MARVELD2: variants seen among roughly 807,000 people sequenced by gnomAD.
The protein encoded by MARVELD2 is MARVEL domain containing 2.
In MARVELD2, 49 loss-of-function variants were observed where a neutral mutation model predicts 57.6. The ratio of observed to expected loss-of-function variants is 0.85; its 90% CI spans 0.68 to 1.08. MARVELD2 has a LOEUF of 1.08. MARVELD2 is among the 50% of genes least tolerant of loss of function. The pLI is 0.00. For synonymous variants in MARVELD2, 238 were observed against 258.8 expected (o/e 0.92, Z 0.77); for missense variants, 606 against 701.1 (o/e 0.86, Z 1.53).
intron 3 of MARVELD2, 67 bp from the exon 4 acceptor site, chr5:69,432,460 A>C: frequency 6.5e-7 from 1 of 1,539,322 alleles, no homozygotes; most frequent in East Asian, 2.3e-5. Context: ...ATTTTCTAAG[A>C]ATGAATTCAG....
chr5:69,420,454 A>G lies in MARVELD2; in HGVS notation c.1069A>G (p.Ile357Val). 6.2e-7 allele frequency: 1 copy of G among 1,610,700 alleles called. No individual in the cohort carries two copies. Among genetic ancestry groups the G allele is most frequent in the Non-Finnish European group, 8.5e-7 (1 of 1,177,248 alleles). ...GTTTGTCACCATGATAGTTTATCTCATTAGTGCTTTGGTTTGCCTAAAGTT... is the reference window on the plus strand; with the variant it reads ...GTTTGTCACCATGATAGTTTATCTCGTTAGTGCTTTGGTTTGCCTAAAGTT... Reference protein sequence around the residue: ...FLFVTMIVYLISALVCLKLWR... With the variant: ...FLFVTMIVYLVSALVCLKLWR... Residue 357 changes from isoleucine to valine, a missense_variant, in exon 2 of 7, where the codon ATT becomes GTT. Ile to Val is a conservative substitution (Grantham distance 29, BLOSUM62 3). Coordinates refer to ENST00000325631, the MANE Select transcript of MARVELD2 (RefSeq NM_001038603.3).
At chr5:69,441,463 C>A in intron 6 of MARVELD2, 69 bp from the exon 7 acceptor site, 1 of 1,571,658 alleles carries the variant, frequency 6.4e-7, no homozygotes, top group East Asian at 2.3e-5. Flanking sequence ...TCCTGGGTGA[C>A]AATGTATGTT....
intron 2 of MARVELD2, 67 bp downstream of exon 2, chr5:69,420,598 T>TA (rs1766599243): frequency 3.4e-6 from 5 of 1,454,852 alleles, no homozygotes; most frequent in Non-Finnish European, 4.8e-6. Flanking sequence ...GCTCCCTTGT[T>TA]AAAAAATGTA....
At chr5:69,433,164 T>C in intron 5 of MARVELD2, 71 bp downstream of exon 5, 1 of 1,448,060 alleles carries the variant, frequency 6.9e-7, no homozygotes, top group Non-Finnish European at 9.5e-7. Context: ...TTTTTTTTTT[T>C]TTTTTTTTTT....
At position 69,420,211 on chromosome 5, in the gene MARVELD2, T is replaced by C; in HGVS notation, c.826T>C (p.Ser276Pro). The C allele has an allele frequency of 6.2e-7, 1 of 1,614,220 alleles. No homozygotes were observed. The highest frequency in any genetic ancestry group is 8.5e-7 in the Non-Finnish European group (1 of 1,180,030). The stretch of plus-strand genomic sequence containing the variant: ...CATTATTATTCTGGTTCTTGGCATG[T>C]CCATGTATTACCGGACCATTCTTCT... ...TTIIILVLGM[S>P]MYYRTILLDS... The change falls in exon 2 of 7, where the codon TCC becomes CCC. Residue 276 changes from serine to proline, a missense_variant. Transcript: ENST00000325631.
intron 3 of MARVELD2, among the ~76,000 whole-genome samples, chr5:69,425,398 A>T (rs1429415595): frequency 2.1e-5 from 3 of 145,008 alleles, no homozygotes; most frequent in Middle Eastern, 3.3e-3. Flanking sequence ...GTATAATAAA[A>T]AAATATATAT....
At position 69,424,654 on chromosome 5, in the gene MARVELD2, T is replaced by G. The variant is rs1766729113; in HGVS notation, c.1182+18T>G. ...GGAAAATGGTAAGAATAAAGTTTAC[T>G]TCATATTATGCTTTAGATTTGTTAA... is the stretch of plus-strand genomic sequence containing the variant. On this transcript the variant is annotated intron_variant, in intron 3 of 6. Transcript: ENST00000325631. 6.4e-7 allele frequency: 1 copy of G among 1,563,356 alleles called. No individual in the cohort carries two copies. Among genetic ancestry groups the G allele is most frequent in the Non-Finnish European group, 8.8e-7 (1 of 1,133,322 alleles).
At chr5:69,439,341 A>G (rs1298751192) in intron 5 of MARVELD2, among the ~76,000 whole-genome samples, 1 of 151,492 alleles carries the variant, frequency 6.6e-6, no homozygotes, top group African/African-American at 2.4e-5. Flanking sequence ...TTGTATTTTT[A>G]GTAGAGATGG....
rs763838485 is a variant in MARVELD2 at position 69,419,906 on chromosome 5, A to C, written c.521A>C (p.Glu174Ala). The C allele has an allele frequency of 1.2e-6, 2 of 1,614,170 alleles. No homozygotes were observed. The highest frequency in any genetic ancestry group is 1.7e-6 in the Non-Finnish European group (2 of 1,180,036). The change falls in exon 2 of 7, where the codon GAG (glutamate) becomes GCG (alanine). Residue 174 changes from glutamate to alanine, a missense_variant. Transcript: ENST00000325631. ...ACACAAACAGTTCGAACATACAGTG[A>C]GAAGGTGGAGGAGTATAACCTGAGA... ...RHTQTVRTYS[E>A]KVEEYNLRYS...
At chr5:69,433,520 C>G in intron 5 of MARVELD2, 1 of 211,838 alleles carries the variant, frequency 4.7e-6, no homozygotes, top group Non-Finnish European at 9.4e-6. Context: ...AGTGCAGTGG[C>G]GTGATCTTGG....
Position 69,419,747 on chromosome 5 carries a change from C to T in MARVELD2, c.362C>T (p.Pro121Leu). Residue 121 changes from proline to leucine, a missense_variant, in exon 2 of 7, where the codon CCA becomes CTA. Pro to Leu is a moderately conservative substitution (Grantham distance 98, BLOSUM62 -3). Coordinates refer to ENST00000325631, the MANE Select transcript of MARVELD2 (RefSeq NM_001038603.3). ...GTGGAGTGTTCACCACCAGCCTCTC[C>T]AGCAAGACCAAACCACCGTTCGCCC... ...DGVECSPPAS[P>L]ARPNHRSPLN... 1 of 1,614,124 alleles carries T rather than the reference C, an allele frequency of 6.2e-7. No individual in the cohort carries two copies. Among genetic ancestry groups the T allele is most frequent in the South Asian group, 1.1e-5 (1 of 91,078 alleles).
At chr5:69,436,402 A>AACACACACACACAC (rs66984523) in intron 5 of MARVELD2, among the ~76,000 whole-genome samples, 148 of 123,868 alleles carry the variant, frequency 1.2e-3, no homozygotes, top group Admixed American at 3.5e-3. Flanking sequence ...TATGTATGGG[A>AACACACACACACAC]ACACACACAC....
intron 2 of MARVELD2, among the ~76,000 whole-genome samples, chr5:69,422,587 C>T (rs1766663962): frequency 6.6e-6 from 1 of 152,176 alleles, no homozygotes; most frequent in African/African-American, 2.4e-5. Context: ...CAATGCATGC[C>T]TGAAACTTCA....
chr5:69,432,051 C>T (rs1285252563), intron 3 of MARVELD2, among the ~76,000 whole-genome samples: 1 of 151,750 alleles, frequency 6.6e-6, no homozygotes, highest in Non-Finnish European at 1.5e-5. Context: ...CAGTCTGTCT[C>T]CCAAGCTGGA....
rs571015098 is a variant in MARVELD2 at position 69,420,156 on chromosome 5, C to T, written c.771C>T (p.Leu257=). ...CTGGCCCTAAGACCCCTTTTGTACTCGTGGTTGCTGGATTAGCTTGGATCA... is the reference window on the plus strand; with the variant it reads ...CTGGCCCTAAGACCCCTTTTGTACTTGTGGTTGCTGGATTAGCTTGGATCA... ...YYTGPKTPFV[L]VVAGLAWITT... Residue 257 remains leucine, a synonymous_variant, in exon 2 of 7, where the codon CTC becomes CTT. Coordinates refer to ENST00000325631, the MANE Select transcript of MARVELD2 (RefSeq NM_001038603.3). 8.7e-6 allele frequency: 14 copies of T among 1,614,128 alleles called. No individual in the cohort carries two copies. In the East Asian group the frequency reaches 1.1e-4, roughly 13 times the overall value.
At chr5:69,433,177 T>TC (rs1767023109) in intron 5 of MARVELD2, 84 bp downstream of exon 5, 42 of 1,299,020 alleles carry the variant, frequency 3.2e-5, no homozygotes, top group African/African-American at 1.5e-5. Flanking sequence ...TTTTTTTTTT[T>TC]CTGTGAGACA....
intron 3 of MARVELD2, among the ~76,000 whole-genome samples, chr5:69,432,108 C>G (rs953169579): frequency 4.0e-5 from 6 of 151,788 alleles, no homozygotes; most frequent in Non-Finnish European, 8.8e-5. Flanking sequence ...CCTCCTGGGC[C>G]CAAGTGATTC....
At chr5:69,435,719 C>G (rs745826851) in intron 5 of MARVELD2, among the ~76,000 whole-genome samples, 1 of 136,494 alleles carries the variant, frequency 7.3e-6, no homozygotes, top group Non-Finnish European at 1.5e-5. Flanking sequence ...CGCCACTGCA[C>G]TCCAGCCTGG....
At position 69,432,905 on chromosome 5, in the gene MARVELD2, T is replaced by G; in HGVS notation, c.1332-17T>G. The G allele has an allele frequency of 6.2e-7, 1 of 1,614,196 alleles. No homozygotes were observed. Among genetic ancestry groups the G allele is most frequent in the Middle Eastern group, 1.6e-4 (1 of 6,062 alleles). On this transcript the variant is annotated splice_polypyrimidine_tract_variant and intron_variant, in intron 4 of 6. Transcript: ENST00000325631. ...TTAGTGAAACAATTATATCTTTGGCTTATGTTTTTCCCCTAGAAAATACCC... is the reference window on the plus strand; with the variant it reads ...TTAGTGAAACAATTATATCTTTGGCGTATGTTTTTCCCCTAGAAAATACCC...
Sources: gnomAD v4.1 joint callset for allele counts (sites outside exome capture counted in the v4.1 genomes callset) on GRCh38, gnomAD v4.1.1 for gene constraint, MANE v1.5 for transcripts, NCBI Gene and HGNC (gene_info 2026-07-23, HGNC 2026-07-21) for gene names.